ZDHHC9: variants seen among roughly 807,000 people sequenced by gnomAD.
ZDHHC9 encodes the protein palmitoyltransferase ZDHHC9.
In ZDHHC9, 3 loss-of-function variants were observed where a neutral mutation model predicts 26.6. The observed-to-expected ratio is 0.11, with a 90% CI of 0.05 to 0.29. The LOEUF (loss-of-function observed/expected upper bound fraction) is 0.29, where lower values mean the gene tolerates loss of function less well. Among genes scored for constraint, ZDHHC9 ranks in the 10% least tolerant of loss-of-function variants. The probability of loss-of-function intolerance (pLI) is 1.00; values close to 1 mark genes in which losing one functional copy is unlikely to be tolerated. For synonymous variants in ZDHHC9, 111 were observed against 109.4 expected, an observed-to-expected ratio of 1.01 and a Z score of -0.09; for missense variants, 146 against 296.4, an observed-to-expected ratio of 0.49 and a Z score of 3.73.
intron 4 of ZDHHC9, among the ~76,000 whole-genome samples, chrX:129,824,119 A>T (rs1248734510): frequency 8.9e-6 from 1 of 111,988 alleles, no homozygotes; most frequent in Non-Finnish European, 1.9e-5. Context: ...AAATGAAAAC[A>T]TCCAATTTCA....
Position 129,814,921 on chromosome X carries a change from G to GT in ZDHHC9, c.488-127dup, listed in dbSNP as rs749489279. Reference sequence around the variant, plus strand: ...CTATTTCAGTTGTAAAAAATATAGGGTTTTTTTTTTTTTTTACTTTTTCAA... The same window carrying GT: ...CTATTTCAGTTGTAAAAAATATAGGGTTTTTTTTTTTTTTTTACTTTTTCAA... On this transcript the variant is annotated intron_variant, in intron 5 of 10. Coordinates refer to ENST00000357166, the MANE Select transcript of ZDHHC9 (RefSeq NM_016032.4). 0.099 allele frequency: 49,900 copies of GT among 504,573 alleles called. 993 individuals carry two copies. The highest frequency in any genetic ancestry group is 0.24 in the African/African-American group (9,271 of 37,893). 41.6% of individuals were successfully genotyped at this position (504,573 alleles called of 1,213,427 possible). A position where few individuals can be genotyped will look rare whatever the true frequency, so the allele number is the denominator to read the frequency against.
intron 10 of ZDHHC9, among the ~76,000 whole-genome samples, chrX:129,808,299 C>T (rs1458711430): frequency 8.9e-6 from 1 of 112,125 alleles, no homozygotes. Flanking sequence ...GGAGGACTCA[C>T]ATTTCCTGAT....
intron 3 of ZDHHC9, 24 bp from the exon 4 acceptor site, chrX:129,829,165 A>G (rs1569321565): frequency 8.3e-7 from 1 of 1,206,634 alleles, no homozygotes; most frequent in Non-Finnish European, 1.1e-6. Flanking sequence ...GCAATTCAGC[A>G]TTTAATGATA....
At chrX:129,811,893 C>T (rs1927649839) in intron 8 of ZDHHC9, among the ~76,000 whole-genome samples, 1 of 111,387 alleles carries the variant, frequency 9.0e-6, no homozygotes, top group Admixed American at 9.5e-5. Context: ...ATGATATATA[C>T]TATTTTTATT....
intron 4 of ZDHHC9, 121 bp downstream of exon 4, chrX:129,828,860 G>A: frequency 1.0e-6 from 1 of 959,999 alleles, no homozygotes; most frequent in Non-Finnish European, 1.5e-6. Flanking sequence ...CTCAGATTCA[G>A]GATCTCAGAG....
In ZDHHC9 at chrX:129,808,697, A is replaced by T. The variant is rs1406953474; in HGVS notation, c.978+2208T>A. The stretch of plus-strand genomic sequence containing the variant: ...GACACCAAAAAGTACAAACAACAAA[A>T]GAAAAAAATAGACAAACTGGACTAC... On this transcript the variant is annotated intron_variant, in intron 10 of 10. Coordinates refer to ENST00000357166, the MANE Select transcript of ZDHHC9 (RefSeq NM_016032.4). Among the ~76,000 whole-genome samples, 17 of 112,353 alleles carry T rather than the reference A, an allele frequency of 1.5e-4. No individual in the cohort carries two copies. In the Admixed American group the frequency reaches 1.6e-3, roughly 11 times the overall value.
intron 4 of ZDHHC9, among the ~76,000 whole-genome samples, chrX:129,826,916 G>A (rs1241181190): frequency 3.6e-5 from 4 of 112,656 alleles, no homozygotes; most frequent in East Asian, 5.6e-4. Context: ...TACATGGGCC[G>A]GGCGCAGTGG....
At chrX:129,836,881 G>A (rs369046114) in intron 3 of ZDHHC9, among the ~76,000 whole-genome samples, 1 of 112,311 alleles carries the variant, frequency 8.9e-6, no homozygotes, top group Non-Finnish European at 1.9e-5. Context: ...ACACTAGCTC[G>A]CAAGAATCTG....
intron 3 of ZDHHC9, among the ~76,000 whole-genome samples, chrX:129,832,898 G>A (rs1602960024): frequency 1.9e-5 from 2 of 105,856 alleles, no homozygotes; most frequent in African/African-American, 3.5e-5. Context: ...CCCATGAGGC[G>A]GAGGTTGCAG....
intron 8 of ZDHHC9, among the ~76,000 whole-genome samples, chrX:129,812,355 G>A (rs1308108094): frequency 8.9e-6 from 1 of 112,690 alleles, no homozygotes; most frequent in Admixed American, 9.4e-5. Flanking sequence ...AAAGTGCTGG[G>A]ATTACAGGCG....
At chrX:129,820,496 T>C (rs1038255042) in intron 5 of ZDHHC9, among the ~76,000 whole-genome samples, 1 of 108,172 alleles carries the variant, frequency 9.2e-6, no homozygotes, top group Non-Finnish European at 1.9e-5. Flanking sequence ...GAGGCTGAGG[T>C]GGGAGGATCA....
rs181726982 is a variant in ZDHHC9 at position 129,819,130 on chromosome X, G to A, written c.488-4335C>T. ...GGAGCTTGCAGTGAGCTGAGATCGCGCCACTGCACTCCAGACTGGGAGAGA... is the reference window on the plus strand; with the variant it reads ...GGAGCTTGCAGTGAGCTGAGATCGCACCACTGCACTCCAGACTGGGAGAGA... On this transcript the variant is annotated intron_variant, in intron 5 of 10. Coordinates refer to ENST00000357166, the MANE Select transcript of ZDHHC9 (RefSeq NM_016032.4). Among the ~76,000 whole-genome samples, 131 of 91,475 alleles carry A rather than the reference G, an allele frequency of 1.4e-3. 2 individuals are homozygous for A. The highest frequency in any genetic ancestry group is 5.4e-3 in the African/African-American group (123 of 22,773). The allele number at this position is 91,475 out of a possible 115,157, so 79.4% of individuals were successfully genotyped here.
rs1171194301 is a variant in ZDHHC9, at chrX:129,804,495, T to C, written c.*1875A>G. 9.0e-6 allele frequency: 1 copy of C among 111,308 alleles called. No homozygotes were observed. Among genetic ancestry groups the C allele is most frequent in the African/African-American group, 3.3e-5 (1 of 30,604 alleles). 9.2% of individuals were successfully genotyped at this position (111,308 alleles called of 1,213,427 possible). On this transcript the variant is annotated 3_prime_UTR_variant, in exon 11 of 11. Coordinates refer to ENST00000357166, the MANE Select transcript of ZDHHC9 (RefSeq NM_016032.4). ...CTGGGAAGTATGAGATGGGAATTGA[T>C]AGGGAGTCTTGATTATACACCACCT...
Position 129,803,453 on chromosome X carries a change from T to C in ZDHHC9, c.*2917A>G, listed in dbSNP as rs1687452471. ...CACAAAAGTGCAGAGATTTACATATTAAATTGCATTTAAATTAGAAAATAG... is the reference window on the plus strand; with the variant it reads ...CACAAAAGTGCAGAGATTTACATATCAAATTGCATTTAAATTAGAAAATAG... On this transcript the variant is annotated 3_prime_UTR_variant, in exon 11 of 11. Coordinates refer to ENST00000357166, the MANE Select transcript of ZDHHC9 (RefSeq NM_016032.4). 8.9e-6 allele frequency: 1 copy of C among 112,988 alleles called. No individual in the cohort carries two copies. Among genetic ancestry groups the C allele is most frequent in the Admixed American group, 9.3e-5 (1 of 10,707 alleles). The allele number at this position is 112,988 out of a possible 1,213,427, so 9.3% of individuals were successfully genotyped here. A position where few individuals can be genotyped will look rare whatever the true frequency, so the allele number is the denominator to read the frequency against.
chrX:129,841,895 G>A lies in ZDHHC9; in HGVS notation c.51C>T (p.Leu17=), dbSNP rs2124141410. The part of the protein sequence containing the change: ...RKKVTRKWEK[L]PGRNTFCCDG... ...CACAGCAAAAGGTGTTCCTGCCTGG[G>A]AGTTTCTCCCATTTCCGTGTCACCT... Residue 17 remains leucine (L), a synonymous_variant, in exon 3 of 11, where the codon CTC becomes CTT. Coordinates refer to ENST00000357166, the MANE Select transcript of ZDHHC9 (RefSeq NM_016032.4). 1 of 1,211,706 alleles carries A rather than the reference G, an allele frequency of 8.3e-7. No homozygotes were observed. The highest frequency in any genetic ancestry group is 1.1e-6 in the Non-Finnish European group (1 of 895,490).
Position 129,806,295 on chromosome X carries a change from C to T in ZDHHC9, c.*75G>A. On this transcript the variant is annotated 3_prime_UTR_variant, in exon 11 of 11. Transcript: ENST00000357166. ...AAGGGACAGCTTACTTGCTCTCTGT[C>T]TCAGGTTTAACTTCTCACCTGAAAT... is the stretch of plus-strand genomic sequence containing the variant. 2 of 917,546 alleles carry T rather than the reference C, an allele frequency of 2.2e-6. No homozygotes were observed. The highest frequency in any genetic ancestry group is 2.0e-5 in the South Asian group (1 of 51,202). The allele number at this position is 917,546 out of a possible 1,213,427, so 75.6% of individuals were successfully genotyped here. A position where few individuals can be genotyped will look rare whatever the true frequency, so the allele number is the denominator to read the frequency against.
At chrX:129,822,083 C>T (rs748396007) in intron 5 of ZDHHC9, among the ~76,000 whole-genome samples, 1 of 111,290 alleles carries the variant, frequency 9.0e-6, no homozygotes, top group African/African-American at 3.3e-5. Context: ...TACCATTTGA[C>T]CCAGCAATCC....
chrX:129,823,518 G>A (rs1033441168), intron 5 of ZDHHC9, 161 bp downstream of exon 5: 1 of 550,240 alleles, frequency 1.8e-6, no homozygotes, highest in African/African-American at 2.3e-5. Flanking sequence ...CAGCTGATTT[G>A]CAGTTTTTCA....
chrX:129,832,477 A>G (rs946956713), intron 3 of ZDHHC9, among the ~76,000 whole-genome samples: 6 of 111,145 alleles, frequency 5.4e-5, no homozygotes, highest in African/African-American at 1.6e-4. Context: ...GCAAAACCCC[A>G]TCTCTACTAA....
Sources: gnomAD v4.1 joint callset for allele counts (sites outside exome capture counted in the v4.1 genomes callset) on GRCh38, gnomAD v4.1.1 for gene constraint, MANE v1.5 for transcripts, NCBI Gene and HGNC (gene_info 2026-07-23, HGNC 2026-07-21) for gene names.